Variants in GPR158 observed in about 807,000 individuals in gnomAD.
The protein encoded by GPR158 is metabotropic glycine receptor.
GPR158 carries 30 observed loss-of-function variants against 78.2 expected under a neutral mutation model. The observed-to-expected ratio is 0.38, with a 90% CI of 0.29 to 0.52. The LOEUF (loss-of-function observed/expected upper bound fraction) is 0.52, where lower values mean the gene tolerates loss of function less well. Ranked by LOEUF, GPR158 falls within the 20% of genes least tolerant of loss-of-function variation. The pLI is 0.83. For missense variants in GPR158, 1,463 were observed against 1,523.5 expected, an observed-to-expected ratio of 0.96 and a Z score of 0.66; for synonymous variants, 581 against 591.1, an observed-to-expected ratio of 0.98 and a Z score of 0.25.
chr10:25,509,151 C>T lies in GPR158; in HGVS notation c.1405-41825C>T, dbSNP rs150968276. 2.5e-3 allele frequency among the ~76,000 whole-genome samples: 379 copies of T among 152,192 alleles called. 4 individuals are homozygous for T. The highest frequency in any genetic ancestry group is 8.7e-3 in the African/African-American group (361 of 41,504). On this transcript the variant is annotated intron_variant, in intron 5 of 10. Coordinates refer to ENST00000376351, the MANE Select transcript of GPR158 (RefSeq NM_020752.3). ...ACCACCCACTAAACACCAGAAGCAC[C>T]GCCTCCCTCACTGTGATGATCAAAA...
At position 25,601,328 on chromosome 10, in the gene GPR158, CT is replaced by C. The variant is rs1312463062; in HGVS notation, c.*2057del. 3 of 152,564 alleles carry C rather than the reference CT, an allele frequency of 2.0e-5. No individual in the cohort carries two copies. Among genetic ancestry groups the C allele is most frequent in the African/African-American group, 7.2e-5 (3 of 41,432 alleles). The allele number at this position is 152,564 out of a possible 1,614,324, so 9.5% of individuals were successfully genotyped here. On this transcript the variant is annotated 3_prime_UTR_variant, in exon 11 of 11. Transcript: ENST00000376351. ...AGATATAGAAATTCTATTTTTGTGT[CT>C]TTACACCATTTATTTCTTTTATCTC... is the stretch of plus-strand genomic sequence containing the variant.
At chr10:25,515,901 G>A (rs1836164368) in intron 5 of GPR158, among the ~76,000 whole-genome samples, 1 of 150,834 alleles carries the variant, frequency 6.6e-6, no homozygotes, top group Non-Finnish European at 1.5e-5. Context: ...GGGATGGCTG[G>A]GTTAAATGGT....
intron 2 of GPR158, among the ~76,000 whole-genome samples, chr10:25,363,513 G>A (rs1329258): frequency 0.8 from 120,715 of 151,796 alleles, 48,993 homozygotes; most frequent in Non-Finnish European, 0.85. Flanking sequence ...GAAAAGCTTT[G>A]TTGCAAGTCA....
intron 5 of GPR158, among the ~76,000 whole-genome samples, chr10:25,531,341 C>T (rs182613639): frequency 6.4e-4 from 97 of 152,194 alleles, no homozygotes; most frequent in African/African-American, 2.3e-3. Context: ...AGTAAAAACC[C>T]CGCGTCCATG....
chr10:25,357,140 G>A (rs1855565614), intron 2 of GPR158, among the ~76,000 whole-genome samples: 2 of 152,224 alleles, frequency 1.3e-5, no homozygotes, highest in African/African-American at 4.8e-5. Flanking sequence ...TGAGAGAGAT[G>A]ATTTAGGGTA....
At chr10:25,349,770 A>T (rs1349493590) in intron 2 of GPR158, among the ~76,000 whole-genome samples, 1 of 146,340 alleles carries the variant, frequency 6.8e-6, no homozygotes, top group Non-Finnish European at 1.5e-5. Flanking sequence ...TTAATTCACC[A>T]TGTAAGGGAA....
chr10:25,243,049 A>G (rs920950205), intron 2 of GPR158, among the ~76,000 whole-genome samples: 3 of 152,224 alleles, frequency 2.0e-5, no homozygotes, highest in Admixed American at 6.5e-5. Context: ...GCACCAGACA[A>G]TGGTTGCTGC....
chr10:25,185,654 T>G (rs1852673891), intron 1 of GPR158, among the ~76,000 whole-genome samples: 1 of 152,178 alleles, frequency 6.6e-6, no homozygotes, highest in Non-Finnish European at 1.5e-5. Flanking sequence ...AAACCCCGTC[T>G]GTACTAAAAA....
chr10:25,428,810 G>A (rs1000673582), intron 4 of GPR158, among the ~76,000 whole-genome samples: 9 of 151,962 alleles, frequency 5.9e-5, no homozygotes, highest in East Asian at 1.9e-4. Context: ...GTAACGCGAC[G>A]CTTGATTTTA....
chr10:25,531,778 T>C (rs530822760), intron 5 of GPR158, among the ~76,000 whole-genome samples: 1 of 152,330 alleles, frequency 6.6e-6, no homozygotes, highest in South Asian at 2.1e-4. Flanking sequence ...TTGTCAGTGC[T>C]TTCACATAAT....
chr10:25,507,988 G>A lies in GPR158; in HGVS notation c.1404+41269G>A, dbSNP rs1368166551. ...TTCATGACAGAAATTTTATAAGGAC[G>A]GTTTTTTAAGGTAACAAAAAAGGCG... On this transcript the variant is annotated intron_variant, in intron 5 of 10. Coordinates refer to ENST00000376351, the MANE Select transcript of GPR158 (RefSeq NM_020752.3). Among the ~76,000 whole-genome samples the A allele has an allele frequency of 2.6e-5, 4 of 152,050 alleles. No homozygotes were observed. The South Asian group carries it at 6.2e-4, about 24-fold the overall frequency.
intron 2 of GPR158, among the ~76,000 whole-genome samples, chr10:25,253,155 C>T (rs868292985): frequency 2.6e-5 from 4 of 152,378 alleles, no homozygotes; most frequent in South Asian, 4.1e-4. Context: ...TGAGGCAATG[C>T]CTCGCCCTGC....
intron 4 of GPR158, among the ~76,000 whole-genome samples, chr10:25,439,592 T>A (rs968186731): frequency 6.6e-6 from 1 of 152,326 alleles, no homozygotes; most frequent in African/African-American, 2.4e-5. Flanking sequence ...ATGTCCTCTA[T>A]GCATTTTGAA....
At chr10:25,528,284 A>G (rs2130690294) in intron 5 of GPR158, among the ~76,000 whole-genome samples, 1 of 152,158 alleles carries the variant, frequency 6.6e-6, no homozygotes, top group East Asian at 1.9e-4. Flanking sequence ...TAGAATTAAA[A>G]TTATCAAAAT....
At chr10:25,248,848 G>C (rs967209589) in intron 2 of GPR158, among the ~76,000 whole-genome samples, 10 of 151,704 alleles carry the variant, frequency 6.6e-5, no homozygotes, top group African/African-American at 2.2e-4. Flanking sequence ...CCAATTCTGT[G>C]AAGAAAGTCA....
At chr10:25,252,354 T>C (rs1185103005) in intron 2 of GPR158, among the ~76,000 whole-genome samples, 1 of 152,218 alleles carries the variant, frequency 6.6e-6, no homozygotes, top group Non-Finnish European at 1.5e-5. Context: ...CTGTTGCTGG[T>C]GAGGAGCTGC....
chr10:25,323,188 G>T (rs1457943809), intron 2 of GPR158, among the ~76,000 whole-genome samples: 5 of 152,052 alleles, frequency 3.3e-5, no homozygotes, highest in African/African-American at 1.2e-4. Context: ...TATTCAGTAA[G>T]CCATGCTATA....
At chr10:25,371,469 C>G (rs1290217855) in intron 2 of GPR158, among the ~76,000 whole-genome samples, 2 of 151,732 alleles carry the variant, frequency 1.3e-5, no homozygotes, top group Non-Finnish European at 2.9e-5. Flanking sequence ...TATAAGGCTA[C>G]AGTAACCAAA....
chr10:25,458,625 A>G (rs960828035), intron 4 of GPR158, among the ~76,000 whole-genome samples: 11 of 152,212 alleles, frequency 7.2e-5, no homozygotes, highest in African/African-American at 2.7e-4. Flanking sequence ...ATTATTGCCA[A>G]TCTCTGCAAC....
Sources: gnomAD v4.1 joint callset for allele counts (sites outside exome capture counted in the v4.1 genomes callset) on GRCh38, gnomAD v4.1.1 for gene constraint, MANE v1.5 for transcripts, NCBI Gene and HGNC (gene_info 2026-07-23, HGNC 2026-07-21) for gene names.